EYS: variants seen among roughly 807,000 people sequenced by gnomAD.
The protein encoded by EYS is protein eyes shut homolog.
EYS carries 250 observed loss-of-function variants against 282.1 expected under a neutral mutation model. The ratio of observed to expected loss-of-function variants is 0.89; its 90% CI spans 0.80 to 0.98. EYS has a LOEUF of 0.98. Ranked by LOEUF, EYS falls within the 50% of genes least tolerant of loss-of-function variation. EYS has a pLI of 0.00. For missense variants in EYS, 4,016 were observed against 3,709.0 expected, an observed-to-expected ratio of 1.08 and a Z score of -2.15; for synonymous variants, 1,355 against 1,282.9, an observed-to-expected ratio of 1.06 and a Z score of -1.20.
intron 33 of EYS, among the ~76,000 whole-genome samples, chr6:64,011,216 G>A (rs1190141494): frequency 6.6e-6 from 1 of 152,054 alleles, no homozygotes; most frequent in Non-Finnish European, 1.5e-5. Context: ...CATGTTTTCA[G>A]TTTTCTTCCT....
intron 31 of EYS, among the ~76,000 whole-genome samples, chr6:64,220,792 T>C (rs1250435492): frequency 1.3e-5 from 2 of 152,208 alleles, no homozygotes; most frequent in Non-Finnish European, 2.9e-5. Context: ...TTGTTTATTT[T>C]AACTTGGATT....
intron 34 of EYS, among the ~76,000 whole-genome samples, chr6:63,989,769 T>C (rs1767526959): frequency 6.6e-6 from 1 of 151,692 alleles, no homozygotes; most frequent in Non-Finnish European, 1.5e-5. Context: ...ATTCAGCACA[T>C]GGGATGTCCT....
intron 35 of EYS, among the ~76,000 whole-genome samples, chr6:63,906,251 C>A (rs1773777124): frequency 6.6e-6 from 1 of 152,172 alleles, no homozygotes; most frequent in South Asian, 2.1e-4. Flanking sequence ...CTTAGCATTT[C>A]ATTCACTATA....
intron 33 of EYS, among the ~76,000 whole-genome samples, chr6:64,010,177 G>A (rs1156522405): frequency 6.6e-6 from 1 of 152,218 alleles, no homozygotes; most frequent in Non-Finnish European, 1.5e-5. Context: ...CGGTGAAGGG[G>A]AGCTGGCCAA....
chr6:64,646,928 G>A (rs904182279), intron 22 of EYS, among the ~76,000 whole-genome samples: 1 of 152,022 alleles, frequency 6.6e-6, no homozygotes, highest in African/African-American at 2.4e-5. Context: ...ACTTCTTTGT[G>A]ACAGTTATGA....
intron 12 of EYS, among the ~76,000 whole-genome samples, chr6:65,202,976 G>A (rs1364908465): frequency 1.3e-5 from 2 of 152,098 alleles, no homozygotes; most frequent in East Asian, 3.9e-4. Flanking sequence ...AGAGAGCCTG[G>A]CTGCCAGCTC....
intron 8 of EYS, among the ~76,000 whole-genome samples, chr6:65,374,791 C>G (rs1440621658): frequency 6.6e-6 from 1 of 152,092 alleles, no homozygotes; most frequent in Non-Finnish European, 1.5e-5. Flanking sequence ...CGGAACGCAT[C>G]ACAGCACAGC....
At chr6:64,310,834 A>AT (rs541338921) in intron 29 of EYS, among the ~76,000 whole-genome samples, 3 of 151,972 alleles carry the variant, frequency 2.0e-5, no homozygotes, top group African/African-American at 7.2e-5. Context: ...ACTGGACTGA[A>AT]TTTTTTTTGT....
At chr6:65,272,273 T>C (rs1374900052) in intron 12 of EYS, among the ~76,000 whole-genome samples, 2 of 152,156 alleles carry the variant, frequency 1.3e-5, no homozygotes, top group East Asian at 3.9e-4. Flanking sequence ...GGGCAATCAG[T>C]GCTCTTTGAA....
chr6:64,756,113 T>C (rs1772928754), intron 22 of EYS, among the ~76,000 whole-genome samples: 1 of 152,166 alleles, frequency 6.6e-6, no homozygotes, highest in Non-Finnish European at 1.5e-5. Context: ...AATCCATGCA[T>C]ACACTGACCC....
At chr6:64,459,526 G>T (rs1421054541) in intron 26 of EYS, among the ~76,000 whole-genome samples, 1 of 152,152 alleles carries the variant, frequency 6.6e-6, no homozygotes, top group Non-Finnish European at 1.5e-5. Flanking sequence ...GAGCAGCAAG[G>T]AAGCCAGTCT....
intron 12 of EYS, among the ~76,000 whole-genome samples, chr6:65,115,692 A>T (rs554916446): frequency 6.6e-6 from 1 of 152,254 alleles, no homozygotes; most frequent in East Asian, 1.9e-4. Flanking sequence ...AGGTATAGCC[A>T]TTAAACTCAA....
At chr6:64,339,804 GAAAACCA>G (rs1227184702) in intron 29 of EYS, among the ~76,000 whole-genome samples, 2 of 151,808 alleles carry the variant, frequency 1.3e-5, no homozygotes, top group African/African-American at 4.8e-5. Flanking sequence ...CTCAGGAATG[GAAAACCA>G]AACATATGTT....
At chr6:65,494,415 C>G (rs925890267) in intron 4 of EYS, among the ~76,000 whole-genome samples, 1 of 151,828 alleles carries the variant, frequency 6.6e-6, no homozygotes, top group Non-Finnish European at 1.5e-5. Flanking sequence ...GTAGCTGGGA[C>G]TACAGGCGCC....
intron 2 of EYS, among the ~76,000 whole-genome samples, chr6:65,514,719 G>T (rs1279134633): frequency 1.3e-5 from 2 of 152,120 alleles, no homozygotes; most frequent in Non-Finnish European, 2.9e-5. Context: ...AATGGTGCTG[G>T]GAAAACTGGC....
At chr6:65,189,550 A>G (rs1315864064) in intron 12 of EYS, among the ~76,000 whole-genome samples, 3 of 151,800 alleles carry the variant, frequency 2.0e-5, no homozygotes, top group Non-Finnish European at 2.9e-5. Flanking sequence ...AATAAAGCAA[A>G]ATCAGCATAA....
intron 36 of EYS, among the ~76,000 whole-genome samples, chr6:63,835,195 G>A (rs1274313804): frequency 6.6e-6 from 1 of 151,388 alleles, no homozygotes; most frequent in Non-Finnish European, 1.5e-5. Flanking sequence ...AGAACTTAAA[G>A]TATAATAATA....
At chr6:64,399,228 CTA>C (rs937769863) in intron 28 of EYS, among the ~76,000 whole-genome samples, 4 of 151,552 alleles carry the variant, frequency 2.6e-5, no homozygotes, top group African/African-American at 7.3e-5. Flanking sequence ...TATATGAACT[CTA>C]TGTTTTCTTT....
intron 30 of EYS, among the ~76,000 whole-genome samples, chr6:64,239,747 T>C (rs1305658748): frequency 4.6e-5 from 7 of 152,204 alleles, no homozygotes; most frequent in Admixed American, 3.9e-4. Context: ...GTGCTGAAGC[T>C]CTTTAGTTTA....
Sources: allele counts gnomAD v4.1 joint callset (sites outside exome capture counted in the v4.1 genomes callset), GRCh38; gene constraint gnomAD v4.1.1; transcripts MANE v1.5; gene names NCBI Gene and HGNC (gene_info 2026-07-23, HGNC 2026-07-21).